KSR2: variants seen among roughly 807,000 people sequenced by gnomAD.
The protein encoded by KSR2 is kinase suppressor of ras 2.
In KSR2, 25 loss-of-function variants were observed where a neutral mutation model predicts 107.8. The observed-to-expected ratio is 0.23, with a 90% CI of 0.17 to 0.32. The LOEUF (loss-of-function observed/expected upper bound fraction) is 0.32. Among genes scored for constraint, KSR2 ranks in the 10% least tolerant of loss-of-function variants. The pLI is 1.00. For missense variants in KSR2, 887 were observed against 1,268.9 expected, an observed-to-expected ratio of 0.70 and a Z score of 4.57; for synonymous variants, 480 against 507.0, an observed-to-expected ratio of 0.95 and a Z score of 0.71.
chr12:117,727,311 G>A (rs1403832127), intron 4 of KSR2, among the ~76,000 whole-genome samples: 1 of 152,010 alleles, frequency 6.6e-6, no homozygotes, highest in African/African-American at 2.4e-5. Context: ...AGAAGTGGAA[G>A]CTGCAGTGAG....
chr12:117,687,729 T>C (rs1885635201), intron 4 of KSR2, among the ~76,000 whole-genome samples: 1 of 152,126 alleles, frequency 6.6e-6, no homozygotes, highest in South Asian at 2.1e-4. Context: ...TAGGGTACAC[T>C]GCCTTCCCCT....
At chr12:117,835,554 T>C (rs1010139397) in intron 3 of KSR2, among the ~76,000 whole-genome samples, 1 of 152,122 alleles carries the variant, frequency 6.6e-6, no homozygotes, top group South Asian at 2.1e-4. Flanking sequence ...ATCCTCCTCC[T>C]TAGAACCAAA....
At position 117,968,184 on chromosome 12, in the gene KSR2, G is replaced by A; in HGVS notation, c.72C>T (p.Cys24=). ...AGTCTATCATGTTTTGGACCAGTTC[G>A]CACTGCTGTAAGGCTTTTTGCAAAC... is the stretch of plus-strand genomic sequence containing the variant. The part of the protein sequence containing the change: ...PLSLQKALQQ[C]ELVQNMIDLS... The change falls in exon 1 of 20, where the codon TGC becomes TGT. Residue 24 remains cysteine (C), a synonymous_variant. Transcript: ENST00000339824. 2 of 1,612,686 alleles carry A rather than the reference G, an allele frequency of 1.2e-6. No homozygotes were observed. Among genetic ancestry groups the A allele is most frequent in the Non-Finnish European group, 1.7e-6 (2 of 1,179,566 alleles).
intron 14 of KSR2, among the ~76,000 whole-genome samples, chr12:117,516,288 T>C (rs1170764813): frequency 6.6e-6 from 1 of 152,116 alleles, no homozygotes; most frequent in Non-Finnish European, 1.5e-5. Context: ...TCTAGCTCCC[T>C]ACTCGAGATC....
At chr12:117,738,474 C>T (rs765135791) in intron 4 of KSR2, among the ~76,000 whole-genome samples, 4 of 152,054 alleles carry the variant, frequency 2.6e-5, no homozygotes, top group African/African-American at 7.3e-5. Context: ...ACCTGTTTAG[C>T]GTGTTACTCT....
At chr12:117,771,648 A>T (rs1324049382) in intron 3 of KSR2, among the ~76,000 whole-genome samples, 1 of 152,192 alleles carries the variant, frequency 6.6e-6, no homozygotes, top group African/African-American at 2.4e-5. Flanking sequence ...ATTCAAGGGT[A>T]AAGTTCTGCT....
chr12:117,768,144 C>T (rs557988588), intron 3 of KSR2, among the ~76,000 whole-genome samples: 2 of 152,300 alleles, frequency 1.3e-5, no homozygotes, highest in East Asian at 3.9e-4. Context: ...TCTGTAGGGG[C>T]CGATATTGCT....
chr12:117,586,061 C>T (rs1049067495), intron 5 of KSR2, among the ~76,000 whole-genome samples: 1 of 152,156 alleles, frequency 6.6e-6, no homozygotes, highest in Admixed American at 6.5e-5. Context: ...ATCACCTTAG[C>T]AGTCAGAGGG....
intron 5 of KSR2, among the ~76,000 whole-genome samples, chr12:117,582,882 A>G (rs1373644864): frequency 6.6e-6 from 1 of 152,208 alleles, no homozygotes; most frequent in Admixed American, 6.5e-5. Flanking sequence ...AGTGCCAGCC[A>G]TGCAAGTGAT....
intron 3 of KSR2, among the ~76,000 whole-genome samples, chr12:117,841,540 T>A (rs1016517011): frequency 6.6e-6 from 1 of 152,230 alleles, no homozygotes; most frequent in Non-Finnish European, 1.5e-5. Flanking sequence ...TATTATTTGA[T>A]ATTTACATGC....
Position 117,869,684 on chromosome 12 carries a change from G to A in KSR2, c.181-9253C>T, listed in dbSNP as rs548282436. ...CCTGAGGGTCTTTCCCCGTTAGTTC[G>A]TACAGATCTGCCTCGTTCTTTTTAA... On this transcript the variant is annotated intron_variant, in intron 1 of 19. Coordinates refer to ENST00000339824, the MANE Select transcript of KSR2 (RefSeq NM_173598.6). Among the ~76,000 whole-genome samples the A allele has an allele frequency of 4.6e-5, 7 of 152,172 alleles. No homozygotes were observed. The East Asian group carries it at 1.2e-3, about 25-fold the overall frequency.
At chr12:117,869,680 G>A (rs1041362152) in intron 1 of KSR2, among the ~76,000 whole-genome samples, 25 of 152,150 alleles carry the variant, frequency 1.6e-4, no homozygotes, top group Non-Finnish European at 3.4e-4. Flanking sequence ...TTCCCCGTTA[G>A]TTCGTACAGA....
intron 3 of KSR2, among the ~76,000 whole-genome samples, chr12:117,783,871 C>T (rs1889970196): frequency 1.3e-5 from 2 of 152,066 alleles, no homozygotes; most frequent in Non-Finnish European, 2.9e-5. Context: ...CTATCCCAGC[C>T]ATGTCCCAAA....
intron 16 of KSR2, among the ~76,000 whole-genome samples, 173 bp downstream of exon 16, chr12:117,484,243 G>C (rs1452935813): frequency 6.6e-6 from 1 of 152,160 alleles, no homozygotes; most frequent in Non-Finnish European, 1.5e-5. Context: ...GCCCCCCCAG[G>C]GGGAAACAGA....
chr12:117,725,150 G>A lies in KSR2; in HGVS notation c.986+35861C>T, dbSNP rs145146068. Among the ~76,000 whole-genome samples the A allele has an allele frequency of 3.2e-3, 479 of 151,766 alleles. 4 individuals are homozygous for A. Among genetic ancestry groups the A allele is most frequent in the African/African-American group, 9.3e-3 (383 of 41,324 alleles). Reference sequence around the variant, plus strand: ...AAGATGGCAAAGGAGGTAGACTGCAGAAAGGCACGAGAAATAACAAGAAGC... The same window carrying A: ...AAGATGGCAAAGGAGGTAGACTGCAAAAAGGCACGAGAAATAACAAGAAGC... On this transcript the variant is annotated intron_variant, in intron 4 of 19. Coordinates refer to ENST00000339824, the MANE Select transcript of KSR2 (RefSeq NM_173598.6).
At chr12:117,793,282 A>G (rs1353180898) in intron 3 of KSR2, among the ~76,000 whole-genome samples, 2 of 89,840 alleles carry the variant, frequency 2.2e-5, no homozygotes, top group East Asian at 6.0e-4. Flanking sequence ...ACACGCCAAC[A>G]TGCAACATAC....
chr12:117,825,972 TAGGTGGGTGAAC>T (rs1353891111), intron 3 of KSR2, among the ~76,000 whole-genome samples: 7 of 64,518 alleles, frequency 1.1e-4, no homozygotes, highest in Non-Finnish European at 1.8e-4. Flanking sequence ...GGTGGGTGGG[TAGGTGGGTGAAC>T]AGGTGGGTGG....
At chr12:117,953,536 T>C (rs375893909) in intron 1 of KSR2, among the ~76,000 whole-genome samples, 5 of 152,300 alleles carry the variant, frequency 3.3e-5, no homozygotes, top group East Asian at 1.9e-4. Context: ...AACCTTGAAA[T>C]TGTATGCTAA....
intron 1 of KSR2, among the ~76,000 whole-genome samples, chr12:117,958,058 C>G (rs1194382603): frequency 1.3e-5 from 2 of 152,160 alleles, no homozygotes; most frequent in African/African-American, 2.4e-5. Flanking sequence ...GTCTTGAACT[C>G]CTGGCCTCAA....
Sources: allele counts gnomAD v4.1 joint callset (sites outside exome capture counted in the v4.1 genomes callset), GRCh38; gene constraint gnomAD v4.1.1; transcripts MANE v1.5; gene names NCBI Gene and HGNC (gene_info 2026-07-23, HGNC 2026-07-21).